Variants in ZNF578 observed in about 807,000 individuals in gnomAD.
ZNF578 encodes the protein zinc finger protein 578.
ZNF578 carries 8 observed loss-of-function variants against 8.3 expected under a neutral mutation model. That is an observed-to-expected ratio of 0.96 (90% CI 0.56 to 1.74). The LOEUF (loss-of-function observed/expected upper bound fraction) is 1.74. Among genes scored for constraint, ZNF578 ranks in the 40% most tolerant of loss-of-function variants. The pLI is 0.00. For synonymous variants in ZNF578, 206 were observed against 232.2 expected, an observed-to-expected ratio of 0.89 and a Z score of 1.03; for missense variants, 726 against 707.5, an observed-to-expected ratio of 1.03 and a Z score of -0.30.
intron 3 of ZNF578, among the ~76,000 whole-genome samples, chr19:52,500,738 C>G (rs2059403948): frequency 6.6e-6 from 1 of 151,938 alleles, no homozygotes; most frequent in African/African-American, 2.4e-5. Flanking sequence ...GCATGTATGT[C>G]AGGGAGCAGA....
intron 3 of ZNF578, among the ~76,000 whole-genome samples, chr19:52,494,249 G>A (rs1054333661): frequency 6.6e-6 from 1 of 152,070 alleles, no homozygotes. Context: ...CACTTTAGGA[G>A]ACTGAGGCAG....
intron 2 of ZNF578, among the ~76,000 whole-genome samples, chr19:52,486,818 T>A (rs1017258836): frequency 2.0e-5 from 3 of 151,178 alleles, no homozygotes; most frequent in Admixed American, 6.6e-5. Context: ...ATGATTGAAA[T>A]ATTGGGGAGA....
chr19:52,505,102 G>A (rs773600187), intron 5 of ZNF578, among the ~76,000 whole-genome samples: 3 of 152,114 alleles, frequency 2.0e-5, no homozygotes, highest in Non-Finnish European at 2.9e-5. Context: ...GGTCAGGCTC[G>A]TCTCTAACTC....
chr19:52,513,975 A>G lies in ZNF578; in HGVS notation c.*1821A>G, dbSNP rs867832215. ...GGGAGGTAGAGGTTACAGCGAATCA[A>G]AACCGTGCCACTGTACTGCAGCGAG... On this transcript the variant is annotated 3_prime_UTR_variant, in exon 6 of 6. Transcript: ENST00000421239. Among the ~76,000 whole-genome samples, 8 of 152,090 alleles carry G rather than the reference A, an allele frequency of 5.3e-5. No homozygotes were observed. The highest frequency in any genetic ancestry group is 1.9e-4 in the African/African-American group (8 of 41,388).
Position 52,492,102 on chromosome 19 carries a change from T to G in ZNF578, c.-20+677T>G, listed in dbSNP as rs373261460. On this transcript the variant is annotated intron_variant, in intron 3 of 5. Coordinates refer to ENST00000421239, the MANE Select transcript of ZNF578 (RefSeq NM_001099694.2). ...GAACCCGGAAGTTGGAGCTTGCAGTTAGCCAAAACCGTGCCACTGCACTCC... is the reference window on the plus strand; with the variant it reads ...GAACCCGGAAGTTGGAGCTTGCAGTGAGCCAAAACCGTGCCACTGCACTCC... Among the ~76,000 whole-genome samples the G allele has an allele frequency of 6.9e-4, 93 of 134,564 alleles. No individual in the cohort carries two copies. The Middle Eastern group carries it at 0.019, about 28-fold the overall frequency. 88.3% of individuals were successfully genotyped at this position (134,564 alleles called of 152,430 possible).
chr19:52,486,352 G>A (rs2059345567), intron 2 of ZNF578, among the ~76,000 whole-genome samples: 1 of 152,302 alleles, frequency 6.6e-6, no homozygotes, highest in African/African-American at 2.4e-5. Flanking sequence ...TCAGAGACCA[G>A]TGCCGTCGTG....
At chr19:52,482,645 A>T (rs531680007) in intron 2 of ZNF578, among the ~76,000 whole-genome samples, 62 of 151,638 alleles carry the variant, frequency 4.1e-4, no homozygotes, top group South Asian at 2.1e-4. Flanking sequence ...TGAAAAAAAA[A>T]TTTTAAAAAA....
intron 2 of ZNF578, among the ~76,000 whole-genome samples, chr19:52,465,551 A>G (rs2059272310): frequency 6.6e-6 from 1 of 152,218 alleles, no homozygotes; most frequent in African/African-American, 2.4e-5. Flanking sequence ...AAACAGGAAA[A>G]GGAATTTCCT....
intron 2 of ZNF578, 177 bp downstream of exon 2, chr19:52,457,135 ACCTTCT>A (rs1363640805): frequency 6.6e-6 from 1 of 152,432 alleles, no homozygotes; most frequent in Non-Finnish European, 1.5e-5. Context: ...TAGGCCTCTG[ACCTTCT>A]TTTGCCTTCC....
intron 2 of ZNF578, among the ~76,000 whole-genome samples, chr19:52,489,495 G>A (rs2059357861): frequency 6.6e-6 from 1 of 151,826 alleles, no homozygotes. Context: ...GGCTGAGGCA[G>A]GCTAATTGCT....
intron 3 of ZNF578, among the ~76,000 whole-genome samples, chr19:52,501,325 G>A (rs7247129): frequency 0.19 from 29,039 of 152,190 alleles, 2,992 homozygotes; most frequent in Non-Finnish European, 0.23. Context: ...ATTAGAGTGC[G>A]GAGCATTTTG....
rs576891629 is a variant in ZNF578 at position 52,515,026 on chromosome 19, G to C, written c.*2872G>C. Among the ~76,000 whole-genome samples the C allele has an allele frequency of 2.5e-4, 37 of 148,536 alleles. No individual in the cohort carries two copies. Among genetic ancestry groups the C allele is most frequent in the African/African-American group, 9.2e-4 (37 of 40,138 alleles). ...TGCTGAGGCTGGAGTGCAATGGTGCGATCTGGTGTCACTCCAATGTCTTCC... is the reference window on the plus strand; with the variant it reads ...TGCTGAGGCTGGAGTGCAATGGTGCCATCTGGTGTCACTCCAATGTCTTCC... On this transcript the variant is annotated 3_prime_UTR_variant, in exon 6 of 6. Transcript: ENST00000421239.
At chr19:52,469,007 C>T (rs1031325861) in intron 2 of ZNF578, among the ~76,000 whole-genome samples, 1 of 152,104 alleles carries the variant, frequency 6.6e-6, no homozygotes, top group Non-Finnish European at 1.5e-5. Flanking sequence ...TCTCTCTTCT[C>T]CAGCTTGCAT....
chr19:52,462,647 C>T (rs1319903467), intron 2 of ZNF578, among the ~76,000 whole-genome samples: 1 of 152,176 alleles, frequency 6.6e-6, no homozygotes, highest in East Asian at 1.9e-4. Context: ...GGGTCAGCCT[C>T]TTGATGTGTC....
At chr19:52,504,548 A>G in intron 4 of ZNF578, 107 bp from the exon 5 acceptor site, 2 of 1,575,870 alleles carry the variant, frequency 1.3e-6, no homozygotes, top group South Asian at 2.4e-5. Context: ...TTTTGTCACA[A>G]CACAGTCTTT....
chr19:52,498,778 C>T (rs542492011), intron 3 of ZNF578, among the ~76,000 whole-genome samples: 3 of 150,850 alleles, frequency 2.0e-5, no homozygotes, highest in African/African-American at 4.9e-5. Flanking sequence ...CTCTGCCTCC[C>T]GGGCTCAAGT....
At chr19:52,490,202 A>G (rs1029650378) in intron 2 of ZNF578, among the ~76,000 whole-genome samples, 2 of 152,176 alleles carry the variant, frequency 1.3e-5, no homozygotes, top group African/African-American at 4.8e-5. Flanking sequence ...AGGGCAATAC[A>G]TATATATAAA....
intron 3 of ZNF578, among the ~76,000 whole-genome samples, 172 bp downstream of exon 3, chr19:52,491,597 A>G (rs1358934452): frequency 1.3e-5 from 2 of 152,092 alleles, no homozygotes; most frequent in Non-Finnish European, 2.9e-5. Flanking sequence ...CGCTTGTAAT[A>G]CCAGATACTC....
chr19:52,497,671 A>G (rs1381246122), intron 3 of ZNF578, among the ~76,000 whole-genome samples: 1 of 152,208 alleles, frequency 6.6e-6, no homozygotes, highest in Non-Finnish European at 1.5e-5. Context: ...AGTCTTTATC[A>G]TATATCGAAA....
Sources: gnomAD v4.1 joint callset for allele counts (sites outside exome capture counted in the v4.1 genomes callset) on GRCh38, gnomAD v4.1.1 for gene constraint, MANE v1.5 for transcripts, NCBI Gene and HGNC (gene_info 2026-07-23, HGNC 2026-07-21) for gene names.